The following MRPS23 variants were observed in gnomAD, a reference collection of about 807,000 sequenced individuals.
The protein encoded by MRPS23 is small ribosomal subunit protein mS23.
Under a neutral mutation model 19.8 loss-of-function variants are expected in MRPS23, and 14 were observed. The ratio of observed to expected loss-of-function variants is 0.71; its 90% CI spans 0.47 to 1.11. MRPS23 has a LOEUF of 1.11. MRPS23 is among the 50% of genes least tolerant of loss of function. The pLI, the probability that MRPS23 is intolerant of heterozygous loss-of-function variation, is 0.00. For missense variants in MRPS23, 242 were observed against 236.7 expected (o/e 1.02, Z -0.15); for synonymous variants, 113 against 89.7 (o/e 1.26, Z -1.47).
intron 2 of MRPS23, chr17:57,848,756 T>C (rs565363283): frequency 6.7e-6 from 1 of 149,448 alleles, no homozygotes; most frequent in Non-Finnish European, 1.5e-5. Flanking sequence ...GTTCCTCCTA[T>C]CTCCACTCGT....
intron 2 of MRPS23, among the ~76,000 whole-genome samples, chr17:57,847,038 C>A (rs539309088): frequency 1.3e-4 from 19 of 151,900 alleles, no homozygotes; most frequent in Non-Finnish European, 2.5e-4. Flanking sequence ...TGGCTCACAC[C>A]TGTAATCCCA....
chr17:57,849,525 G>T, intron 1 of MRPS23, 115 bp from the exon 2 acceptor site: 2 of 1,249,308 alleles, frequency 1.6e-6, no homozygotes, highest in East Asian at 2.4e-5. Flanking sequence ...AACACAGAAC[G>T]GGGAAGGACT....
rs1321254332 is a variant in MRPS23 at position 57,838,737 on chromosome 17, A to G, written c.*1046T>C. ...CTGCATGAACCAAGCACCCACGTGC[A>G]TGGATGTGTACTATATACAGACTGT... On this transcript the variant is annotated 3_prime_UTR_variant, in exon 5 of 5. Coordinates refer to ENST00000313608, the MANE Select transcript of MRPS23 (RefSeq NM_016070.4). 2.0e-5 allele frequency: 3 copies of G among 152,274 alleles called. No individual in the cohort carries two copies. The highest frequency in any genetic ancestry group is 7.2e-5 in the African/African-American group (3 of 41,474). 9.4% of individuals were successfully genotyped at this position (152,274 alleles called of 1,614,324 possible).
intron 2 of MRPS23, among the ~76,000 whole-genome samples, chr17:57,844,327 C>CA (rs1037896651): frequency 1.6e-4 from 22 of 141,712 alleles, no homozygotes; most frequent in South Asian, 2.2e-4. Flanking sequence ...TCAAAACCAC[C>CA]AAAAAAAAAG....
At chr17:57,840,626 C>T (rs1013097040) in intron 4 of MRPS23, among the ~76,000 whole-genome samples, 1 of 151,752 alleles carries the variant, frequency 6.6e-6, no homozygotes, top group Non-Finnish European at 1.5e-5. Flanking sequence ...GCAGATTCAA[C>T]AAACCACGGA....
chr17:57,849,405 C>T lies in MRPS23; in HGVS notation c.50G>A (p.Arg17Gln). The change falls in exon 2 of 5, where the codon CGG becomes CAG. Residue 17 changes from arginine (R) to glutamine (Q), a missense_variant. Transcript: ENST00000313608. ...CAGCACCCCGGCCCGAACCAGGTCC[C>T]GAGTCCTTAGGGAGGGAACAGAACG... ...ETVGSIFSRT[R>Q]DLVRAGVLKE... 6.2e-7 allele frequency: 1 copy of T among 1,613,666 alleles called. No individual in the cohort carries two copies.
In MRPS23 at chr17:57,849,694, C is replaced by G. The variant is rs1159170152; in HGVS notation, c.44+273G>C. 3 of 598,282 alleles carry G rather than the reference C, an allele frequency of 5.0e-6. No homozygotes were observed. The African/African-American group carries it at 5.6e-5, about 11-fold the overall frequency. 37.1% of individuals were successfully genotyped at this position (598,282 alleles called of 1,614,324 possible). On this transcript the variant is annotated intron_variant, in intron 1 of 4. Coordinates refer to ENST00000313608, the MANE Select transcript of MRPS23 (RefSeq NM_016070.4). Reference sequence around the variant, plus strand: ...GCATGACCTGATAAGGAAGGCCCATCAGGCTCTTCCTCCCTTCCTCTTCCT... The same window carrying G: ...GCATGACCTGATAAGGAAGGCCCATGAGGCTCTTCCTCCCTTCCTCTTCCT...
intron 2 of MRPS23, among the ~76,000 whole-genome samples, chr17:57,846,177 C>T (rs555309324): frequency 6.8e-6 from 1 of 147,722 alleles, no homozygotes; most frequent in Admixed American, 6.7e-5. Context: ...AGTCCCTGCT[C>T]CGCCAGCCGC....
chr17:57,847,987 G>A (rs997634550), intron 2 of MRPS23, among the ~76,000 whole-genome samples: 3 of 143,088 alleles, frequency 2.1e-5, no homozygotes, highest in East Asian at 2.5e-4. Context: ...GTGGGCCACC[G>A]TGCCTGGCCC....
intron 4 of MRPS23, 70 bp downstream of exon 4, chr17:57,840,856 G>C (rs769325395): frequency 1.3e-6 from 2 of 1,574,850 alleles, no homozygotes; most frequent in African/African-American, 2.7e-5. Flanking sequence ...AGGGGCCCTA[G>C]CACCAATCCC....
intron 2 of MRPS23, among the ~76,000 whole-genome samples, chr17:57,846,084 T>TG (rs1427996609): frequency 4.9e-3 from 1 of 204 alleles, no homozygotes; most frequent in Non-Finnish European, 0.042. Flanking sequence ...GACATCTTTG[T>TG]TTTTTTTTTT....
Position 57,839,086 on chromosome 17 carries a change from C to T in MRPS23, c.*697G>A, listed in dbSNP as rs1325838420. The T allele has an allele frequency of 6.6e-6, 1 of 152,246 alleles. No homozygotes were observed. Among genetic ancestry groups the T allele is most frequent in the Non-Finnish European group, 1.5e-5 (1 of 68,058 alleles). The allele number at this position is 152,246 out of a possible 1,614,324, so 9.4% of individuals were successfully genotyped here. The stretch of plus-strand genomic sequence containing the variant: ...CCTCCTTTCTTGGCAATCCTGTTAT[C>T]TACACCATATGAATCCAGTCTTTAG... On this transcript the variant is annotated 3_prime_UTR_variant, in exon 5 of 5. Transcript: ENST00000313608.
chr17:57,836,053 C>G lies in MRPS23; in HGVS notation c.*3730G>C, dbSNP rs1396082843. 1 of 150,202 alleles carries G rather than the reference C, an allele frequency of 6.7e-6. No individual in the cohort carries two copies. The highest frequency in any genetic ancestry group is 2.5e-5 in the African/African-American group (1 of 40,634). The allele number at this position is 150,202 out of a possible 1,614,324, so 9.3% of individuals were successfully genotyped here. On this transcript the variant is annotated 3_prime_UTR_variant, in exon 5 of 5. Transcript: ENST00000313608. ...CACTGTAACCTCCACCTCCTGGGTT[C>G]AAGCGATTCTCCTGCCTCAGCCTGC...
Position 57,836,127 on chromosome 17 carries a change from G to C in MRPS23, c.*3656C>G, listed in dbSNP as rs1259766869. 6.6e-6 allele frequency: 1 copy of C among 151,982 alleles called. No individual in the cohort carries two copies. The highest frequency in any genetic ancestry group is 1.5e-5 in the Non-Finnish European group (1 of 67,954). 9.4% of individuals were successfully genotyped at this position (151,982 alleles called of 1,614,324 possible). A position where few individuals can be genotyped will look rare whatever the true frequency, so the allele number is the denominator to read the frequency against. On this transcript the variant is annotated 3_prime_UTR_variant, in exon 5 of 5. Transcript: ENST00000313608. ...CTGCCACCACATCCAGCTAACTTTT[G>C]TATTTTTAGTAGAGATGGGGTTTCA...
rs912033257 is a variant in MRPS23 at position 57,838,896 on chromosome 17, G to A, written c.*887C>T. The A allele has an allele frequency of 1.3e-5, 2 of 152,184 alleles. No individual in the cohort carries two copies. Among genetic ancestry groups the A allele is most frequent in the Non-Finnish European group, 2.9e-5 (2 of 68,040 alleles). The allele number at this position is 152,184 out of a possible 1,614,324, so 9.4% of individuals were successfully genotyped here. A position where few individuals can be genotyped will look rare whatever the true frequency, so the allele number is the denominator to read the frequency against. ...TTACTACTAACAGCTAAAAACCACT[G>A]GCTTGACCACATATACAAAGGCTGC... On this transcript the variant is annotated 3_prime_UTR_variant, in exon 5 of 5. Transcript: ENST00000313608.
At chr17:57,848,010 T>A (rs541467145) in intron 2 of MRPS23, among the ~76,000 whole-genome samples, 49 of 147,114 alleles carry the variant, frequency 3.3e-4, no homozygotes, top group Non-Finnish European at 1.8e-4. Flanking sequence ...AAAAAAAAAA[T>A]TCTTAAATAA....
At chr17:57,846,151 G>A (rs1375674237) in intron 2 of MRPS23, among the ~76,000 whole-genome samples, 1 of 148,288 alleles carries the variant, frequency 6.7e-6, no homozygotes, top group Non-Finnish European at 1.5e-5. Context: ...CCCCGTCTGG[G>A]AGGGAGGTAG....
In MRPS23 at chr17:57,841,310, T is replaced by A. The variant is rs2144873841; in HGVS notation, c.216-50A>T. On this transcript the variant is annotated intron_variant, in intron 2 of 4. Transcript: ENST00000313608. Reference sequence around the variant, plus strand: ...TAAATCTCCGATTATAGACTGTGGATGAGAATGGAATAAAAGAAATAAAGA... The same window carrying A: ...TAAATCTCCGATTATAGACTGTGGAAGAGAATGGAATAAAAGAAATAAAGA... 4 of 1,556,798 alleles carry A rather than the reference T, an allele frequency of 2.6e-6. No homozygotes were observed. In the East Asian group the frequency reaches 6.7e-5, roughly 26 times the overall value.
At chr17:57,848,022 C>A (rs1568017334) in intron 2 of MRPS23, among the ~76,000 whole-genome samples, 2 of 151,932 alleles carry the variant, frequency 1.3e-5, no homozygotes, top group African/African-American at 4.8e-5. Context: ...CTTAAATAAT[C>A]ATTATCAATA....
Sources: gnomAD v4.1 joint callset for allele counts (sites outside exome capture counted in the v4.1 genomes callset) on GRCh38, gnomAD v4.1.1 for gene constraint, MANE v1.5 for transcripts, NCBI Gene and HGNC (gene_info 2026-07-23, HGNC 2026-07-21) for gene names.